The following CWH43 variants were observed in gnomAD, a reference collection of about 807,000 sequenced individuals.
CWH43 encodes the protein cell wall biogenesis 43 C-terminal homolog.
A neutral mutation model predicts 85.7 loss-of-function variants in CWH43; 91 were observed. The observed-to-expected ratio is 1.06, with a 90% CI of 0.90 to 1.26. The LOEUF is 1.26. Among genes scored for constraint, CWH43 ranks in the 50% most tolerant of loss-of-function variants. CWH43 has a pLI of 0.00. For synonymous variants in CWH43, 323 were observed against 293.6 expected (o/e 1.10, Z -1.02); for missense variants, 869 against 839.2 (o/e 1.04, Z -0.44).
chr4:49,012,040 T>A (rs1560494405), intron 8 of CWH43, among the ~76,000 whole-genome samples: 1 of 152,210 alleles, frequency 6.6e-6, no homozygotes, highest in Non-Finnish European at 1.5e-5. Context: ...GTTGGGGAAG[T>A]TCTTCTGGAT....
At position 49,050,509 on chromosome 4, in the gene CWH43, T is replaced by C. The variant is rs1418988921; in HGVS notation, c.1866-185T>C. On this transcript the variant is annotated intron_variant, in intron 14 of 15. Coordinates refer to ENST00000226432, the MANE Select transcript of CWH43 (RefSeq NM_025087.3). The stretch of plus-strand genomic sequence containing the variant: ...AATCTATGTACATATTCTTTATTCA[T>C]TTATATCATAAAAGCAATATTTTGC... Among the ~76,000 whole-genome samples, 13 of 152,216 alleles carry C rather than the reference T, an allele frequency of 8.5e-5. No individual in the cohort carries two copies. In the East Asian group the frequency reaches 2.3e-3, roughly 27 times the overall value.
chr4:49,000,551 A>T (rs1782958591), intron 6 of CWH43, among the ~76,000 whole-genome samples: 1 of 152,198 alleles, frequency 6.6e-6, no homozygotes, highest in Admixed American at 6.5e-5. Context: ...GTAGCTTCTT[A>T]ATCTGCATAT....
At position 49,042,598 on chromosome 4, in the gene CWH43, G is replaced by T. The variant is rs545417096; in HGVS notation, c.1804-2188G>T. ...AGTGGCCACCATGTAGGGAAGCGTTGAAGCCATGGAAGTGAGTGGTATTGC... is the reference window on the plus strand; with the variant it reads ...AGTGGCCACCATGTAGGGAAGCGTTTAAGCCATGGAAGTGAGTGGTATTGC... On this transcript the variant is annotated intron_variant, in intron 13 of 15. Transcript: ENST00000226432. 3.2e-4 allele frequency among the ~76,000 whole-genome samples: 48 copies of T among 152,278 alleles called. No individual in the cohort carries two copies. The South Asian group carries it at 7.5e-3, about 24-fold the overall frequency.
At chr4:49,017,194 T>C in intron 8 of CWH43, 55 bp from the exon 9 acceptor site, 4 of 1,473,068 alleles carry the variant, frequency 2.7e-6, no homozygotes, top group South Asian at 1.2e-5. Flanking sequence ...TGTCAGCAAA[T>C]TTATTTTATT....
intron 8 of CWH43, among the ~76,000 whole-genome samples, chr4:49,011,603 C>T (rs1403211350): frequency 2.6e-5 from 4 of 152,186 alleles, no homozygotes; most frequent in South Asian, 2.1e-4. Context: ...TACTGGTTGG[C>T]GTGTTTTTGC....
chr4:49,009,680 C>T (rs1186554741), intron 8 of CWH43, among the ~76,000 whole-genome samples: 2 of 152,182 alleles, frequency 1.3e-5, no homozygotes, highest in Non-Finnish European at 1.5e-5. Flanking sequence ...GGGTTTTTAG[C>T]ATGAAGCACT....
intron 9 of CWH43, among the ~76,000 whole-genome samples, chr4:49,020,326 C>G (rs998857847): frequency 2.0e-5 from 3 of 150,640 alleles, no homozygotes; most frequent in African/African-American, 4.9e-5. Context: ...CCAATTCCAT[C>G]CAGGTTGTTG....
At chr4:49,043,241 T>C (rs1784522845) in intron 13 of CWH43, among the ~76,000 whole-genome samples, 1 of 152,192 alleles carries the variant, frequency 6.6e-6, no homozygotes, top group Non-Finnish European at 1.5e-5. Context: ...ATGACATATA[T>C]TATGTGTGTC....
At chr4:49,031,047 T>TCAA in intron 11 of CWH43, 87 bp downstream of exon 11, 1 of 1,292,922 alleles carries the variant, frequency 7.7e-7, no homozygotes, top group Non-Finnish European at 1.0e-6. Flanking sequence ...TATTGTAATA[T>TCAA]CTTTGGTGAA....
chr4:49,013,490 G>C (rs1276534308), intron 8 of CWH43, among the ~76,000 whole-genome samples: 1 of 152,234 alleles, frequency 6.6e-6, no homozygotes, highest in East Asian at 1.9e-4. Context: ...CACCCTCCAT[G>C]GGCTGTGCCC....
At chr4:49,024,660 G>A (rs986215157) in intron 9 of CWH43, among the ~76,000 whole-genome samples, 30 of 152,198 alleles carry the variant, frequency 2.0e-4, no homozygotes, top group African/African-American at 5.8e-4. Flanking sequence ...TTTGGTTTAA[G>A]GAGGCTAAAG....
intron 15 of CWH43, 123 bp from the exon 16 acceptor site, chr4:49,061,689 C>A (rs916587618): frequency 2.3e-6 from 2 of 867,298 alleles, no homozygotes; most frequent in Non-Finnish European, 3.1e-6. Flanking sequence ...TTCCTATATG[C>A]ATGAATCTTT....
At chr4:49,044,924 A>G in intron 14 of CWH43, 77 bp downstream of exon 14, 1 of 1,151,876 alleles carries the variant, frequency 8.7e-7, no homozygotes. Flanking sequence ...AGGAAAAAGA[A>G]CTTTATGGAA....
At chr4:48,986,933 G>C in intron 1 of CWH43, 1 of 490,588 alleles carries the variant, frequency 2.0e-6, no homozygotes, top group Non-Finnish European at 2.7e-6. Flanking sequence ...CCGTGGGCTG[G>C]GCCCAGGACA....
chr4:49,005,130 G>T (rs1195177086), intron 7 of CWH43, among the ~76,000 whole-genome samples: 1 of 152,118 alleles, frequency 6.6e-6, no homozygotes, highest in Non-Finnish European at 1.5e-5. Flanking sequence ...TTCACTGGTT[G>T]TCTACATTTT....
chr4:48,999,507 G>A (rs1256149268), intron 6 of CWH43, among the ~76,000 whole-genome samples: 1 of 152,194 alleles, frequency 6.6e-6, no homozygotes, highest in Non-Finnish European at 1.5e-5. Context: ...TTCCACAAAT[G>A]TTAGACTAAT....
Position 49,056,230 on chromosome 4 carries a change from A to G in CWH43, c.2021+5381A>G, listed in dbSNP as rs141594470. Reference sequence around the variant, plus strand: ...GGTTTCCAATTTCATCCATGTCCCTACAAAGGATATGAACTCATCATTTTT... The same window carrying G: ...GGTTTCCAATTTCATCCATGTCCCTGCAAAGGATATGAACTCATCATTTTT... On this transcript the variant is annotated intron_variant, in intron 15 of 15. Transcript: ENST00000226432. Among the ~76,000 whole-genome samples, 1,348 of 151,910 alleles carry G rather than the reference A, an allele frequency of 8.9e-3. 18 individuals carry two copies. Among genetic ancestry groups the G allele is most frequent in the Non-Finnish European group, 0.012 (807 of 67,952 alleles).
Position 49,003,852 on chromosome 4 carries a change from A to C in CWH43, c.920A>C (p.Asn307Thr). 1 of 1,613,862 alleles carries C rather than the reference A, an allele frequency of 6.2e-7. No individual in the cohort carries two copies. The change falls in exon 7 of 16, where the codon AAC (asparagine) becomes ACC (threonine). Residue 307 changes from asparagine (N) to threonine (T), a missense_variant. By Grantham distance (65) the Asn-to-Thr change is moderately conservative. This residue lies in a region of CWH43 where 577 missense variants were observed against 513.1 expected (regional missense o/e 1.12). Transcript: ENST00000226432. Reference protein sequence around the residue: ...MWPQTLGHLINSGTNPGKTMT... With the variant: ...MWPQTLGHLITSGTNPGKTMT... ...CCCCAAACACTTGGACACCTTATTA[A>C]CTCAGGGACAAACCCTGGGAAAACC...
In CWH43 at chr4:49,044,864, G is replaced by A; in HGVS notation, c.1865+17G>A. ...GCTGATCAGGTGAGCACAGGGGTTT[G>A]ATTTTGTTTTTAATCTATTATTAAT... is the stretch of plus-strand genomic sequence containing the variant. On this transcript the variant is annotated intron_variant, in intron 14 of 15. Transcript: ENST00000226432. 3 of 1,606,204 alleles carry A rather than the reference G, an allele frequency of 1.9e-6. No homozygotes were observed. The highest frequency in any genetic ancestry group is 2.6e-6 in the Non-Finnish European group (3 of 1,174,140).
Sources: allele counts gnomAD v4.1 joint callset (sites outside exome capture counted in the v4.1 genomes callset), GRCh38; gene constraint gnomAD v4.1.1; regional missense constraint gnomAD v4.1.1; transcripts MANE v1.5; gene names NCBI Gene and HGNC (gene_info 2026-07-23, HGNC 2026-07-21).